RORA: variants seen among roughly 807,000 people sequenced by gnomAD.
RORA encodes nuclear receptor ROR-alpha.
A neutral mutation model predicts 69.5 loss-of-function variants in RORA; 7 were observed. The ratio of observed to expected loss-of-function variants is 0.10; its 90% CI spans 0.06 to 0.19. The LOEUF (loss-of-function observed/expected upper bound fraction) is 0.19. Among genes scored for constraint, RORA ranks in the 10% least tolerant of loss-of-function variants. The pLI is 1.00. For synonymous variants in RORA, 261 were observed against 240.8 expected (o/e 1.08, Z -0.78); for missense variants, 457 against 663.0 (o/e 0.69, Z 3.41).
intron 1 of RORA, among the ~76,000 whole-genome samples, chr15:60,722,624 G>A (rs1272467336): frequency 2.0e-5 from 3 of 152,164 alleles, no homozygotes; most frequent in African/African-American, 7.2e-5. Context: ...GCTCTTCTCT[G>A]GTTCAGCTGA....
At chr15:60,787,281 G>T (rs1176861353) in intron 1 of RORA, among the ~76,000 whole-genome samples, 1 of 152,200 alleles carries the variant, frequency 6.6e-6, no homozygotes, top group Non-Finnish European at 1.5e-5. Context: ...GATGTGGCAG[G>T]CATGCACGCG....
At chr15:61,187,322 C>T (rs915595551) in intron 1 of RORA, among the ~76,000 whole-genome samples, 7 of 152,334 alleles carry the variant, frequency 4.6e-5, no homozygotes, top group African/African-American at 9.6e-5. Context: ...AAGTGGGGAA[C>T]GGAGAAGGCA....
intron 1 of RORA, among the ~76,000 whole-genome samples, chr15:61,212,404 C>T (rs1171667743): frequency 1.3e-5 from 2 of 152,082 alleles, no homozygotes; most frequent in Non-Finnish European, 2.9e-5. Flanking sequence ...TTTATTTTTA[C>T]TTATTTATTT....
At chr15:60,924,529 G>C (rs1173949427) in intron 1 of RORA, among the ~76,000 whole-genome samples, 1 of 151,454 alleles carries the variant, frequency 6.6e-6, no homozygotes, top group Non-Finnish European at 1.5e-5. Context: ...CTGCTCATCC[G>C]ATTTAATGTA....
chr15:60,928,409 T>A (rs1241749018), intron 1 of RORA, among the ~76,000 whole-genome samples: 1 of 152,186 alleles, frequency 6.6e-6, no homozygotes, highest in African/African-American at 2.4e-5. Flanking sequence ...ACCAACATTC[T>A]AGGCGGGAAG....
chr15:61,060,739 T>C (rs961746427), intron 1 of RORA, among the ~76,000 whole-genome samples: 2 of 151,934 alleles, frequency 1.3e-5, no homozygotes, highest in African/African-American at 2.4e-5. Context: ...ATCAAGACAA[T>C]GGAAAACAGG....
chr15:60,894,817 T>G (rs729978), intron 1 of RORA, among the ~76,000 whole-genome samples: 1 of 151,924 alleles, frequency 6.6e-6, no homozygotes, highest in African/African-American at 2.4e-5. Flanking sequence ...GTGTTAGGAC[T>G]TCATTAAAAT....
At chr15:60,966,254 G>T (rs1284508774) in intron 1 of RORA, among the ~76,000 whole-genome samples, 1 of 152,086 alleles carries the variant, frequency 6.6e-6, no homozygotes, top group Non-Finnish European at 1.5e-5. Context: ...CCTCTTTAAA[G>T]ACCCTATCTA....
At chr15:60,766,208 G>C (rs2071987159) in intron 1 of RORA, among the ~76,000 whole-genome samples, 1 of 151,980 alleles carries the variant, frequency 6.6e-6, no homozygotes, top group Non-Finnish European at 1.5e-5. Flanking sequence ...TTGTTATATG[G>C]AATTGTGTGT....
chr15:60,516,011 T>G, intron 3 of RORA, among the ~76,000 whole-genome samples: 1 of 10,364 alleles, frequency 9.6e-5, no homozygotes, highest in Non-Finnish European at 1.9e-4. Flanking sequence ...TTATATATAT[T>G]TATATATATT....
chr15:60,970,919 G>C (rs1893694564), intron 1 of RORA, among the ~76,000 whole-genome samples: 1 of 152,192 alleles, frequency 6.6e-6, no homozygotes, highest in African/African-American at 2.4e-5. Context: ...AGACAGGAGA[G>C]AGACAGAAAC....
chr15:60,784,225 A>G (rs2072304448), intron 1 of RORA, among the ~76,000 whole-genome samples: 1 of 152,256 alleles, frequency 6.6e-6, no homozygotes, highest in African/African-American at 2.4e-5. Flanking sequence ...GACAAAAAAT[A>G]GATGGAGTTA....
chr15:60,782,964 C>T (rs1226707216), intron 1 of RORA, among the ~76,000 whole-genome samples: 2 of 152,176 alleles, frequency 1.3e-5, no homozygotes, highest in African/African-American at 2.4e-5. Context: ...GACCCAGCAG[C>T]CTTCTCTGGG....
rs916935902 is a variant in RORA, at chr15:61,213,823, G to C, written c.166+15230C>G. 4.6e-5 allele frequency: 7 copies of C among 152,154 alleles called. No individual in the cohort carries two copies. Among genetic ancestry groups the C allele is most frequent in the African/African-American group, 1.7e-4 (7 of 41,434 alleles). The allele number at this position is 152,154 out of a possible 1,614,324, so 9.4% of individuals were successfully genotyped here. ...TGACTAACATGGGACCTGACACATAGTAAGTGCACAAGAATATTTGATGGA... is the reference window on the plus strand; with the variant it reads ...TGACTAACATGGGACCTGACACATACTAAGTGCACAAGAATATTTGATGGA... On this transcript the variant is annotated intron_variant, in intron 1 of 10. Coordinates refer to ENST00000335670, the MANE Select transcript of RORA (RefSeq NM_134261.3). The surrounding 1 kb of genome is among the most constrained non-coding windows in gnomAD (Gnocchi z 4.1).
chr15:60,637,721 C>A (rs28616597), intron 2 of RORA, among the ~76,000 whole-genome samples: 162 of 152,134 alleles, frequency 1.1e-3, no homozygotes, highest in African/African-American at 3.4e-3. Flanking sequence ...TTTACATATG[C>A]GAGATTATGT....
chr15:60,690,487 C>T (rs2070807268), intron 1 of RORA, among the ~76,000 whole-genome samples: 1 of 152,196 alleles, frequency 6.6e-6, no homozygotes, highest in Admixed American at 6.5e-5. Flanking sequence ...AGCAGAGCTT[C>T]CTTGGCAGCC....
intron 2 of RORA, among the ~76,000 whole-genome samples, chr15:60,638,383 TTTC>T (rs1290102723): frequency 2.5e-3 from 377 of 148,132 alleles, no homozygotes; most frequent in African/African-American, 9.3e-3. Flanking sequence ...TGTATTTTCT[TTTC>T]TTTTTTTTTT....
intron 3 of RORA, chr15:60,519,927 A>G (rs2066105719): frequency 6.6e-6 from 1 of 152,250 alleles, no homozygotes; most frequent in African/African-American, 2.4e-5. Flanking sequence ...ATAAGTTGCA[A>G]GGCAAACTCA....
In RORA at chr15:61,211,284, CAA is replaced by C. The variant is rs58967697; in HGVS notation, c.166+17767_166+17768del. On this transcript the variant is annotated intron_variant, in intron 1 of 10. Transcript: ENST00000335670. Reference sequence around the variant, plus strand: ...AAAAAGACAGAGAAGAAAACAACAGCAAAAAAAAAAAAAAAAAAAGGATCATC... The same window carrying C: ...AAAAAGACAGAGAAGAAAACAACAGCAAAAAAAAAAAAAAAAAGGATCATC... Among the ~76,000 whole-genome samples, 115 of 93,206 alleles carry C rather than the reference CAA, an allele frequency of 1.2e-3. 1 individual carries two copies. The highest frequency in any genetic ancestry group is 2.5e-3 in the African/African-American group (59 of 23,934). 61.1% of individuals were successfully genotyped at this position (93,206 alleles called of 152,430 possible). A position where few individuals can be genotyped will look rare whatever the true frequency, so the allele number is the denominator to read the frequency against.
Sources: allele counts gnomAD v4.1 joint callset (sites outside exome capture counted in the v4.1 genomes callset), GRCh38; gene constraint gnomAD v4.1.1; non-coding constraint Gnocchi (gnomAD v3.1); transcripts MANE v1.5; gene names NCBI Gene and HGNC (gene_info 2026-07-23, HGNC 2026-07-21).